FOXP2: variants seen among roughly 807,000 people sequenced by gnomAD.
The protein encoded by FOXP2 is forkhead box protein P2.
A neutral mutation model predicts 115.8 loss-of-function variants in FOXP2; 12 were observed. The observed-to-expected ratio is 0.10, with a 90% CI of 0.07 to 0.17. The LOEUF is 0.17. FOXP2 is among the 10% of genes least tolerant of loss of function. The pLI, the probability that FOXP2 is intolerant of heterozygous loss-of-function variation, is 1.00. For missense variants in FOXP2, 629 were observed against 843.5 expected (o/e 0.75, Z 3.15); for synonymous variants, 328 against 297.7 (o/e 1.10, Z -1.05).
At chr7:114,677,165 C>CA (rs1188504920) in intron 16 of FOXP2, among the ~76,000 whole-genome samples, 2 of 78,016 alleles carry the variant, frequency 2.6e-5, no homozygotes, top group Admixed American at 1.3e-4. Flanking sequence ...GAATCCGTCT[C>CA]AAAAAACAAA....
At chr7:114,670,765 A>T (rs1235226875) in intron 16 of FOXP2, among the ~76,000 whole-genome samples, 5 of 152,072 alleles carry the variant, frequency 3.3e-5, no homozygotes, top group Non-Finnish European at 5.9e-5. Context: ...TTTATATAAA[A>T]TCCCTGCAGA....
intron 1 of FOXP2, chr7:114,285,539 A>G (rs1283048179): frequency 6.6e-6 from 1 of 152,130 alleles, no homozygotes; most frequent in Admixed American, 6.6e-5. Context: ...GAGAGCATAA[A>G]GAACATAGAC....
chr7:114,529,203 A>G (rs1584856561), intron 2 of FOXP2, among the ~76,000 whole-genome samples: 1 of 151,868 alleles, frequency 6.6e-6, no homozygotes, highest in Non-Finnish European at 1.5e-5. Context: ...CTACAGCTGA[A>G]AAAAACAAAA....
At position 114,220,033 on chromosome 7, in the gene FOXP2, AT is replaced by A. The variant is rs142683981; in HGVS notation, c.-102+56961del. Among the ~76,000 whole-genome samples, 486 of 137,420 alleles carry A rather than the reference AT, an allele frequency of 3.5e-3. 1 individual carries two copies. The highest frequency in any genetic ancestry group is 7.6e-3 in the Admixed American group (104 of 13,616). The allele number at this position is 137,420 out of a possible 152,430, so 90.2% of individuals were successfully genotyped here. ...AGGCGCGCACCACCATGCTCAGCTA[AT>A]TTTTTTTTTTTTTTTCAGTAGAGAC... On this transcript the variant is annotated intron_variant, in intron 1 of 17. Transcript: ENST00000634411.
chr7:114,509,194 A>G (rs1797958697), intron 2 of FOXP2, among the ~76,000 whole-genome samples: 1 of 152,122 alleles, frequency 6.6e-6, no homozygotes, highest in African/African-American at 2.4e-5. Context: ...TGTACAGATT[A>G]TATTCTAAAC....
chr7:114,629,503 G>C, intron 4 of FOXP2: 3 of 1,109,692 alleles, frequency 2.7e-6, no homozygotes, highest in Non-Finnish European at 3.9e-6. Flanking sequence ...TAGTTTTTAT[G>C]TGTCAGTAGG....
chr7:114,127,540 A>C (rs1562972828), intron 1 of FOXP2, among the ~76,000 whole-genome samples: 1 of 152,212 alleles, frequency 6.6e-6, no homozygotes, highest in African/African-American at 2.4e-5. Context: ...GTCAGTGAAC[A>C]AGTAAAATGA....
At chr7:114,117,073 T>A (rs1220185988) in intron 1 of FOXP2, among the ~76,000 whole-genome samples, 1 of 152,090 alleles carries the variant, frequency 6.6e-6, no homozygotes, top group Non-Finnish European at 1.5e-5. Context: ...TGAAAATAAT[T>A]TTTTAGCCTC....
chr7:114,106,864 G>A (rs1479345181), intron 1 of FOXP2, among the ~76,000 whole-genome samples: 1 of 151,858 alleles, frequency 6.6e-6, no homozygotes, highest in Admixed American at 6.6e-5. Flanking sequence ...TTAATCAAAA[G>A]CCTTAGACCT....
Position 114,685,582 on chromosome 7 carries a change from G to A in FOXP2, c.2004-4200G>A, listed in dbSNP as rs1808317360. Among the ~76,000 whole-genome samples, 3 of 152,116 alleles carry A rather than the reference G, an allele frequency of 2.0e-5. No homozygotes were observed. In the South Asian group the frequency reaches 6.2e-4, roughly 32 times the overall value. ...AATGGCGTTATAATGGCCACTTCGA[G>A]TAGTCTCTAACCTATCCCTAGGGAG... On this transcript the variant is annotated intron_variant, in intron 16 of 16. Transcript: ENST00000350908.
chr7:114,247,026 G>A (rs1194782570), intron 1 of FOXP2, among the ~76,000 whole-genome samples: 1 of 152,070 alleles, frequency 6.6e-6, no homozygotes, highest in Non-Finnish European at 1.5e-5. Flanking sequence ...GGAAAGTTGG[G>A]AATCTTTGCA....
intron 2 of FOXP2, among the ~76,000 whole-genome samples, chr7:114,495,287 A>C (rs1278364672): frequency 1.3e-5 from 2 of 152,130 alleles, no homozygotes; most frequent in South Asian, 4.1e-4. Context: ...TTGCAATTGC[A>C]AGGTTCTGCA....
At chr7:114,479,047 T>G (rs955977701) in intron 2 of FOXP2, among the ~76,000 whole-genome samples, 12 of 151,848 alleles carry the variant, frequency 7.9e-5, no homozygotes, top group African/African-American at 2.7e-4. Flanking sequence ...GTGACCAATT[T>G]AAAATGTATC....
chr7:114,619,991 C>G (rs765321262), intron 3 of FOXP2, among the ~76,000 whole-genome samples: 1 of 151,990 alleles, frequency 6.6e-6, no homozygotes, highest in Non-Finnish European at 1.5e-5. Context: ...ATGCAAGATT[C>G]ACAGTGATCA....
chr7:114,185,660 C>A (rs1793575413), intron 1 of FOXP2, among the ~76,000 whole-genome samples: 1 of 152,132 alleles, frequency 6.6e-6, no homozygotes, highest in Non-Finnish European at 1.5e-5. Context: ...CCACACCTCT[C>A]CTTCAGGGAA....
chr7:114,295,457 G>A (rs1280883466), intron 2 of FOXP2, among the ~76,000 whole-genome samples: 2 of 152,174 alleles, frequency 1.3e-5, no homozygotes, highest in African/African-American at 2.4e-5. Context: ...AATTTGTAAG[G>A]AAAGGTTCAC....
intron 3 of FOXP2, among the ~76,000 whole-genome samples, chr7:114,620,764 G>T (rs1285799755): frequency 6.6e-6 from 1 of 151,982 alleles, no homozygotes; most frequent in African/African-American, 2.4e-5. Flanking sequence ...TAACCTAAAT[G>T]CCATAGAATA....
At chr7:114,572,240 A>G (rs890945902) in intron 3 of FOXP2, among the ~76,000 whole-genome samples, 4 of 148,390 alleles carry the variant, frequency 2.7e-5, no homozygotes, top group Non-Finnish European at 4.4e-5. Flanking sequence ...GAAATGGTAA[A>G]TGTCAAAAAA....
At chr7:114,580,300 G>A (rs546818920) in intron 3 of FOXP2, among the ~76,000 whole-genome samples, 2 of 152,260 alleles carry the variant, frequency 1.3e-5, no homozygotes, top group South Asian at 2.1e-4. Context: ...AAAGAAGGAC[G>A]GGCACGGTGG....
Sources: gnomAD v4.1 joint callset for allele counts (sites outside exome capture counted in the v4.1 genomes callset) on GRCh38, gnomAD v4.1.1 for gene constraint, MANE v1.5 for transcripts, NCBI Gene and HGNC (gene_info 2026-07-23, HGNC 2026-07-21) for gene names.